Variants in SEC62 observed in about 807,000 individuals in gnomAD.
SEC62 encodes translocation protein SEC62.
A neutral mutation model predicts 47.5 loss-of-function variants in SEC62; 10 were observed. The ratio of observed to expected loss-of-function variants is 0.21; its 90% CI spans 0.13 to 0.36. The LOEUF (loss-of-function observed/expected upper bound fraction) is 0.36. Among genes scored for constraint, SEC62 ranks in the 10% least tolerant of loss-of-function variants. The pLI, the probability that SEC62 is intolerant of heterozygous loss-of-function variation, is 1.00. For synonymous variants in SEC62, 136 were observed against 150.5 expected (o/e 0.90, Z 0.71); for missense variants, 327 against 464.1 (o/e 0.70, Z 2.71).
intron 5 of SEC62, chr3:169,985,534 C>A: frequency 4.1e-6 from 1 of 243,640 alleles, no homozygotes. Context: ...AGCCACCAAG[C>A]CCAGTCAAAC....
intron 6 of SEC62, among the ~76,000 whole-genome samples, chr3:169,987,225 G>A (rs896051704): frequency 2.6e-5 from 4 of 151,944 alleles, no homozygotes; most frequent in African/African-American, 4.8e-5. Flanking sequence ...CCAAGGGTTC[G>A]AAACCAGCCT....
At chr3:169,980,507 A>G (rs149158268) in intron 3 of SEC62, among the ~76,000 whole-genome samples, 52 of 152,306 alleles carry the variant, frequency 3.4e-4, no homozygotes, top group African/African-American at 1.2e-3. Flanking sequence ...GAAAGTTAAT[A>G]ATCTACTTTT....
Position 169,992,649 on chromosome 3 carries a change from T to G in SEC62, c.786T>G (p.Phe262Leu). ...IWLITGGRHH[F>L]WFLPNLTADV... ...TCATAACTGGAGGAAGGCACCACTT[T>G]TGGTTCTTGCCAAATCTGACTGCTG... The change falls in exon 8 of 8, where the codon TTT becomes TTG. Residue 262 changes from phenylalanine to leucine, a missense_variant. Physicochemically the swap from Phe to Leu is conservative, Grantham distance 22. Transcript: ENST00000337002. The surrounding 1 kb of genome is among the most constrained non-coding windows in gnomAD (Gnocchi z 4.0). The G allele has an allele frequency of 6.2e-7, 1 of 1,614,160 alleles. No individual in the cohort carries two copies. The highest frequency in any genetic ancestry group is 8.5e-7 in the Non-Finnish European group (1 of 1,180,020).
At chr3:169,984,625 T>C (rs1203098095) in intron 5 of SEC62, among the ~76,000 whole-genome samples, 6 of 152,162 alleles carry the variant, frequency 3.9e-5, no homozygotes, top group Non-Finnish European at 7.4e-5. Flanking sequence ...TCCATAACTT[T>C]TAAAGTTGTG....
In SEC62 at chr3:169,977,029, T is replaced by G; in HGVS notation, c.229T>G (p.Ser77Ala). ...GGAAGCTTTATTTACAACCAGGGAG[T>G]CTGTGGTTGACTACTGCAACAGGTA... The part of the protein sequence containing the change: ...GEEALFTTRE[S>A]VVDYCNRLLK... Residue 77 changes from serine (S) to alanine (A), a missense_variant, in exon 3 of 8, where the codon TCT becomes GCT. Physicochemically the swap from Ser to Ala is moderately conservative, Grantham distance 99. Around this residue, in one of 3 missense-constraint regions of SEC62, gnomAD observed 126 missense variants for 161.2 expected, o/e 0.78. Transcript: ENST00000337002. 6.2e-7 allele frequency: 1 copy of G among 1,610,164 alleles called. No individual in the cohort carries two copies. Among genetic ancestry groups the G allele is most frequent in the Non-Finnish European group, 8.5e-7 (1 of 1,177,496 alleles).
Position 169,992,540 on chromosome 3 carries a change from C to G in SEC62, c.731-54C>G. ...TCCCAGCTTTTTATTAACAAATACT[C>G]CCTTCTGAGGCAGTGTTTGAATTAC... On this transcript the variant is annotated intron_variant, in intron 7 of 7. Transcript: ENST00000337002. The surrounding 1 kb of genome is among the most constrained non-coding windows in gnomAD (Gnocchi z 4.0). 1 of 1,185,728 alleles carries G rather than the reference C, an allele frequency of 8.4e-7. No homozygotes were observed. The highest frequency in any genetic ancestry group is 1.2e-6 in the Non-Finnish European group (1 of 820,776). The allele number at this position is 1,185,728 out of a possible 1,614,324, so 73.5% of individuals were successfully genotyped here.
chr3:169,979,496 A>G (rs1484908926), intron 3 of SEC62, among the ~76,000 whole-genome samples: 1 of 152,210 alleles, frequency 6.6e-6, no homozygotes, highest in Non-Finnish European at 1.5e-5. Flanking sequence ...TTAAGTCTCC[A>G]CAAGACTTTG....
intron 5 of SEC62, among the ~76,000 whole-genome samples, chr3:169,984,695 G>A (rs1715057453): frequency 6.6e-6 from 1 of 152,178 alleles, no homozygotes; most frequent in Admixed American, 6.5e-5. Context: ...AGTAATATCT[G>A]TGAATCTGAT....
intron 1 of SEC62, among the ~76,000 whole-genome samples, chr3:169,969,782 C>T (rs1391332263): frequency 3.3e-5 from 5 of 152,168 alleles, no homozygotes; most frequent in Non-Finnish European, 1.5e-5. Context: ...AATTATGCAA[C>T]GTAAAGACTT....
intron 7 of SEC62, among the ~76,000 whole-genome samples, chr3:169,990,487 C>T (rs548490382): frequency 2.6e-5 from 4 of 151,762 alleles, no homozygotes; most frequent in South Asian, 2.1e-4. Context: ...TGCCACATAG[C>T]GAAAAACTGT....
intron 1 of SEC62, among the ~76,000 whole-genome samples, chr3:169,972,436 G>C (rs1714720685): frequency 6.6e-6 from 1 of 151,914 alleles, no homozygotes; most frequent in African/African-American, 2.4e-5. Context: ...CTCCTAATTT[G>C]GGTGCTTTCA....
chr3:169,979,133 C>T (rs1011419214), intron 3 of SEC62, among the ~76,000 whole-genome samples: 5 of 152,174 alleles, frequency 3.3e-5, no homozygotes, highest in African/African-American at 9.7e-5. Context: ...TCATTGTATA[C>T]GCTCTTCCCA....
chr3:169,973,524 A>G lies in SEC62; in HGVS notation c.37-2084A>G, dbSNP rs975433749. ...AAAAAATACAAAAAATTAGCCGGACATGGTGGTGGGCACCTGTAATCCCAG... is the reference window on the plus strand; with the variant it reads ...AAAAAATACAAAAAATTAGCCGGACGTGGTGGTGGGCACCTGTAATCCCAG... On this transcript the variant is annotated intron_variant, in intron 1 of 7. Coordinates refer to ENST00000337002, the MANE Select transcript of SEC62 (RefSeq NM_003262.4). 2.6e-5 allele frequency among the ~76,000 whole-genome samples: 4 copies of G among 152,064 alleles called. No homozygotes were observed. In the East Asian group the frequency reaches 7.7e-4, roughly 29 times the overall value.
In SEC62 at chr3:169,996,354, A is replaced by G. The variant is rs3348; in HGVS notation, c.*3291A>G. 43,983 of 152,458 alleles carry G rather than the reference A, an allele frequency of 0.29. 7,697 individuals are homozygous for G. The highest frequency in any genetic ancestry group is 0.49 in the African/African-American group (20,401 of 41,440). The allele number at this position is 152,458 out of a possible 1,614,324, so 9.4% of individuals were successfully genotyped here. ...GTGGTAATTTGCTTTTACTGTTTCCACAGTATTTCAGGTCTTTGCTCATTC... is the reference window on the plus strand; with the variant it reads ...GTGGTAATTTGCTTTTACTGTTTCCGCAGTATTTCAGGTCTTTGCTCATTC... On this transcript the variant is annotated 3_prime_UTR_variant, in exon 8 of 8. Transcript: ENST00000337002.
intron 1 of SEC62, 94 bp from the exon 2 acceptor site, chr3:169,975,509 CCACTT>C: frequency 2.6e-6 from 2 of 777,710 alleles, no homozygotes; most frequent in Non-Finnish European, 4.2e-6. Flanking sequence ...GGCCTGTACT[CCACTT>C]GAAAAGATTC....
At position 169,983,241 on chromosome 3, in the gene SEC62, G is replaced by T; in HGVS notation, c.537G>T (p.Leu179=). 6.2e-7 allele frequency: 1 copy of T among 1,611,346 alleles called. No homozygotes were observed. The highest frequency in any genetic ancestry group is 1.1e-5 in the South Asian group (1 of 90,852). ...AGCCACATGATGATCAGGTTTTTCTGGATGGAAATGAGGTGAGAGTAAGCC... is the reference window on the plus strand; with the variant it reads ...AGCCACATGATGATCAGGTTTTTCTTGATGGAAATGAGGTGAGAGTAAGCC... The part of the protein sequence containing the change: ...KLEPHDDQVF[L]DGNEVYVWIY... Residue 179 remains leucine (L), a synonymous_variant, in exon 5 of 8, where the codon CTG becomes CTT. Transcript: ENST00000337002.
chr3:169,966,843 C>T lies in SEC62; in HGVS notation c.21C>T (p.His7=), dbSNP rs1228831361. MAERRR[H]KKRIQEVGEP... ...CCAACATGGCGGAACGCAGGAGACACAAGAAGCGGATCCAGGTAGCAAAGC... is the reference window on the plus strand; with the variant it reads ...CCAACATGGCGGAACGCAGGAGACATAAGAAGCGGATCCAGGTAGCAAAGC... The change falls in exon 1 of 8, where the codon CAC becomes CAT. Residue 7 remains histidine (H), a synonymous_variant. Coordinates refer to ENST00000337002, the MANE Select transcript of SEC62 (RefSeq NM_003262.4). 42 of 1,556,192 alleles carry T rather than the reference C, an allele frequency of 2.7e-5. No individual in the cohort carries two copies. The highest frequency in any genetic ancestry group is 3.5e-5 in the Non-Finnish European group (40 of 1,149,766).
At position 169,983,221 on chromosome 3, in the gene SEC62, C is replaced by T; in HGVS notation, c.517C>T (p.His173Tyr). 6.2e-7 allele frequency: 1 copy of T among 1,612,610 alleles called. No homozygotes were observed. The highest frequency in any genetic ancestry group is 8.5e-7 in the Non-Finnish European group (1 of 1,179,104). The change falls in exon 5 of 8, where the codon CAT (histidine) becomes TAT (tyrosine). Residue 173 changes from histidine (H) to tyrosine (Y), a missense_variant. His to Tyr is a moderately conservative substitution (Grantham distance 83). Around this residue, in one of 3 missense-constraint regions of SEC62, gnomAD observed 99 missense variants for 194.0 expected, o/e 0.51. Transcript: ENST00000337002. ...ETKKKFKLEP[H>Y]DDQVFLDGNE... ...TAAGAAAAAATTCAAACTTGAGCCA[C>T]ATGATGATCAGGTTTTTCTGGATGG...
chr3:169,972,229 C>T (rs886869041), intron 1 of SEC62, among the ~76,000 whole-genome samples: 6 of 152,150 alleles, frequency 3.9e-5, no homozygotes, highest in Admixed American at 3.3e-4. Flanking sequence ...GTAGAAATTT[C>T]CTTGCCTACC....
Sources: gnomAD v4.1 joint callset for allele counts (sites outside exome capture counted in the v4.1 genomes callset) on GRCh38, gnomAD v4.1.1 for gene constraint, gnomAD v4.1.1 regional missense constraint, Gnocchi (gnomAD v3.1) non-coding constraint, MANE v1.5 for transcripts, NCBI Gene and HGNC (gene_info 2026-07-23, HGNC 2026-07-21) for gene names.